Variants in SGCD observed in about 807,000 individuals in gnomAD.
SGCD encodes sarcoglycan delta.
SGCD carries 18 observed loss-of-function variants against 36.6 expected under a neutral mutation model. The observed-to-expected ratio is 0.49, with a 90% CI of 0.34 to 0.73. SGCD has a LOEUF of 0.73. SGCD is among the 30% of genes least tolerant of loss of function. The pLI is 0.01. For missense variants in SGCD, 387 were observed against 346.7 expected (o/e 1.12, Z -0.92); for synonymous variants, 133 against 130.6 (o/e 1.02, Z -0.12).
chr5:156,400,634 T>C (rs528710920), intron 3 of SGCD, among the ~76,000 whole-genome samples: 1 of 152,248 alleles, frequency 6.6e-6, no homozygotes, highest in Non-Finnish European at 1.5e-5. Flanking sequence ...GAACAGTTTA[T>C]GTATGAAATC....
At chr5:156,521,801 C>A (rs1429735378) in intron 4 of SGCD, among the ~76,000 whole-genome samples, 1 of 152,080 alleles carries the variant, frequency 6.6e-6, no homozygotes, top group Non-Finnish European at 1.5e-5. Flanking sequence ...TCCTCAAAGA[C>A]CTGGAACTAA....
chr5:155,865,698 A>T (rs1755510155), upstream of SGCD, among the ~76,000 whole-genome samples: 1 of 152,194 alleles, frequency 6.6e-6, no homozygotes, highest in Non-Finnish European at 1.5e-5. Flanking sequence ...CCAAATGCTG[A>T]CACATTTCAT....
intron 1 of SGCD, among the ~76,000 whole-genome samples, chr5:155,926,454 A>G (rs1016596339): frequency 6.6e-6 from 1 of 152,248 alleles, no homozygotes; most frequent in African/African-American, 2.4e-5. Context: ...AAGCTTGTTC[A>G]AAGAATTAGA....
At chr5:155,990,547 G>T (rs965251402) in intron 1 of SGCD, among the ~76,000 whole-genome samples, 1 of 152,080 alleles carries the variant, frequency 6.6e-6, no homozygotes, top group Non-Finnish European at 1.5e-5. Flanking sequence ...AATTAAAATT[G>T]CAATGAATGC....
At chr5:156,323,031 G>A (rs1767713308), upstream of SGCD, among the ~76,000 whole-genome samples, 1 of 152,144 alleles carries the variant, frequency 6.6e-6, no homozygotes, top group South Asian at 2.1e-4. Context: ...CCTGGCTCTA[G>A]TCAGCTTAAA....
intron 7 of SGCD, among the ~76,000 whole-genome samples, chr5:156,725,121 TG>T (rs1470025056): frequency 6.6e-6 from 1 of 152,150 alleles, no homozygotes; most frequent in East Asian, 1.9e-4. Context: ...CCAGTTAATT[TG>T]GGGCATATTG....
At chr5:156,374,924 G>T (rs997418043) in intron 3 of SGCD, among the ~76,000 whole-genome samples, 1 of 152,018 alleles carries the variant, frequency 6.6e-6, no homozygotes, top group Non-Finnish European at 1.5e-5. Flanking sequence ...TGACATGTTC[G>T]AAATGAAACA....
At chr5:156,526,395 TCTC>T (rs1449742835) in intron 4 of SGCD, among the ~76,000 whole-genome samples, 3 of 152,072 alleles carry the variant, frequency 2.0e-5, no homozygotes, top group Admixed American at 2.0e-4. Flanking sequence ...TATGATGGCT[TCTC>T]CTCAGTAAGC....
intron 1 of SGCD, among the ~76,000 whole-genome samples, chr5:156,059,769 A>G (rs1760156388): frequency 6.8e-6 from 1 of 147,146 alleles, no homozygotes. Context: ...GTGCACATGC[A>G]ATAAATACAA....
the SGCD span, among the ~76,000 whole-genome samples, chr5:155,847,651 C>T: frequency 6.6e-6 from 1 of 152,116 alleles, no homozygotes; most frequent in East Asian, 1.9e-4. Flanking sequence ...AAGAAGTCCA[C>T]ATACCCTGGG....
chr5:156,341,035 G>C (rs1768625342), intron 2 of SGCD, among the ~76,000 whole-genome samples: 1 of 152,180 alleles, frequency 6.6e-6, no homozygotes, highest in Admixed American at 6.5e-5. Flanking sequence ...ATGAGTTGGA[G>C]ACTGGAGTAT....
intron 1 of SGCD, among the ~76,000 whole-genome samples, chr5:156,114,438 A>G (rs1453038253): frequency 6.6e-6 from 1 of 152,088 alleles, no homozygotes; most frequent in Non-Finnish European, 1.5e-5. Context: ...ATAGATCTAT[A>G]CAGTTTTGTG....
the SGCD span, among the ~76,000 whole-genome samples, chr5:155,818,709 T>C: frequency 6.6e-6 from 1 of 151,980 alleles, no homozygotes; most frequent in African/African-American, 2.4e-5. Context: ...TTTGTAGAGA[T>C]GGGGTCTCCC....
chr5:155,842,586 A>T, the SGCD span, among the ~76,000 whole-genome samples: 1 of 152,142 alleles, frequency 6.6e-6, no homozygotes, highest in Non-Finnish European at 1.5e-5. Flanking sequence ...GAAAAAAAAA[A>T]AGTGACTAAA....
chr5:155,799,647 C>A, the SGCD span, among the ~76,000 whole-genome samples: 1 of 151,180 alleles, frequency 6.6e-6, no homozygotes, highest in Non-Finnish European at 1.5e-5. Context: ...CTGCTCGCCT[C>A]GGCCTCCAAA....
intron 7 of SGCD, among the ~76,000 whole-genome samples, chr5:156,731,310 C>T (rs1756049753): frequency 6.6e-6 from 1 of 152,090 alleles, no homozygotes; most frequent in Non-Finnish European, 1.5e-5. Flanking sequence ...TAAATCTTTG[C>T]CCATGCCTAT....
At chr5:156,258,267 C>A (rs1038859993) in intron 3 of SGCD, among the ~76,000 whole-genome samples, 3 of 151,822 alleles carry the variant, frequency 2.0e-5, no homozygotes, top group Admixed American at 2.0e-4. Flanking sequence ...TTAACAAATG[C>A]AATATCAAAA....
At position 156,614,154 on chromosome 5, in the gene SGCD, A is replaced by G. The variant is rs144765688; in HGVS notation, c.502+19103A>G. On this transcript the variant is annotated intron_variant, in intron 6 of 8. Transcript: ENST00000337851. ...TAGAGATGGTTTCACCACGTTGGCT[A>G]GGCTGGTCTGGAACTCCTGGCCTCA... Among the ~76,000 whole-genome samples, 737 of 152,294 alleles carry G rather than the reference A, an allele frequency of 4.8e-3. 4 individuals carry two copies. Among genetic ancestry groups the G allele is most frequent in the Non-Finnish European group, 6.1e-3 (412 of 68,024 alleles).
chr5:156,025,807 C>A (rs1759215904), intron 1 of SGCD, among the ~76,000 whole-genome samples: 1 of 152,188 alleles, frequency 6.6e-6, no homozygotes, highest in Non-Finnish European at 1.5e-5. Context: ...AAAAGCAAAA[C>A]ACTGTTGGAA....
Sources: allele counts gnomAD v4.1 joint callset (sites outside exome capture counted in the v4.1 genomes callset), GRCh38; gene constraint gnomAD v4.1.1; transcripts MANE v1.5; gene names NCBI Gene and HGNC (gene_info 2026-07-23, HGNC 2026-07-21).